CSMD1: variants seen among roughly 807,000 people sequenced by gnomAD.
CSMD1 encodes the protein CUB and Sushi multiple domains 1, also known as CUB and sushi domain-containing protein 1.
CSMD1 carries 213 observed loss-of-function variants against 417.5 expected under a neutral mutation model. That is an observed-to-expected ratio of 0.51 (90% CI 0.46 to 0.57). The LOEUF is 0.57. Ranked by LOEUF, CSMD1 falls within the 20% of genes least tolerant of loss-of-function variation. CSMD1 has a pLI of 0.00. For synonymous variants in CSMD1, 2,862 were observed against 1,736.8 expected (o/e 1.65, Z -16.11); for missense variants, 6,923 against 4,529.7 (o/e 1.53, Z -15.17).
chr8:3,047,974 T>C (rs1242264372), intron 50 of CSMD1, among the ~76,000 whole-genome samples: 1 of 152,158 alleles, frequency 6.6e-6, no homozygotes, highest in Admixed American at 6.5e-5. Context: ...AGACTGAAGG[T>C]TCTTGTTCAT....
chr8:3,618,912 G>T (rs1391413106), intron 7 of CSMD1, among the ~76,000 whole-genome samples: 2 of 152,168 alleles, frequency 1.3e-5, no homozygotes, highest in Non-Finnish European at 2.9e-5. Context: ...CAGCACGATG[G>T]TCGCTCTGTG....
intron 2 of CSMD1, among the ~76,000 whole-genome samples, chr8:4,620,049 G>C (rs1012236539): frequency 6.6e-6 from 1 of 151,828 alleles, no homozygotes; most frequent in Non-Finnish European, 1.5e-5. Flanking sequence ...ATAGTATGGT[G>C]AATGAAATAT....
chr8:4,979,963 G>A (rs959082451), intron 1 of CSMD1, among the ~76,000 whole-genome samples: 6 of 152,164 alleles, frequency 3.9e-5, no homozygotes, highest in Non-Finnish European at 8.8e-5. Flanking sequence ...GTGTGAACCT[G>A]GGAGGCGCAG....
At position 2,936,628 on chromosome 8, in the gene CSMD1, C is replaced by T. The variant is rs894999785; in HGVS notation, c.*1957G>A. ...GTGCAGAGAATTCAGCATAATGATA[C>T]AGAATCCAACAGCGTGGGGTTCACA... is the stretch of plus-strand genomic sequence containing the variant. On this transcript the variant is annotated 3_prime_UTR_variant, in exon 70 of 70. Coordinates refer to ENST00000635120, the MANE Select transcript of CSMD1 (RefSeq NM_033225.6). 6.6e-6 allele frequency: 1 copy of T among 152,164 alleles called. No individual in the cohort carries two copies. Among genetic ancestry groups the T allele is most frequent in the African/African-American group, 2.4e-5 (1 of 41,428 alleles). The allele number at this position is 152,164 out of a possible 1,614,324, so 9.4% of individuals were successfully genotyped here.
chr8:3,214,388 C>T (rs1797777921), intron 30 of CSMD1, 109 bp downstream of exon 30: 1 of 932,238 alleles, frequency 1.1e-6, no homozygotes, highest in Non-Finnish European at 1.6e-6. Context: ...AAGCAATCCT[C>T]ACCACCGATG....
intron 26 of CSMD1, among the ~76,000 whole-genome samples, chr8:3,255,937 A>G (rs1800617968): frequency 2.0e-5 from 3 of 152,156 alleles, no homozygotes. Flanking sequence ...AAATGCAGAA[A>G]TCACCCATCT....
chr8:3,546,907 C>G (rs936438889), intron 10 of CSMD1, among the ~76,000 whole-genome samples: 1 of 152,164 alleles, frequency 6.6e-6, no homozygotes, highest in Non-Finnish European at 1.5e-5. Context: ...GTTTCCACTG[C>G]TGCTTGAGTT....
chr8:3,438,190 T>C (rs139120335), intron 12 of CSMD1, among the ~76,000 whole-genome samples: 1,780 of 152,312 alleles, frequency 0.012, 17 homozygotes, highest in Non-Finnish European at 0.019. Flanking sequence ...AATTTTGAGA[T>C]AATTATAGAT....
At chr8:4,144,073 T>C (rs544212000) in intron 3 of CSMD1, among the ~76,000 whole-genome samples, 1 of 151,252 alleles carries the variant, frequency 6.6e-6, no homozygotes, top group Non-Finnish European at 1.5e-5. Flanking sequence ...GACGGAAGTT[T>C]TTCCTTTCCA....
At chr8:3,831,729 T>A (rs1219611570) in intron 5 of CSMD1, among the ~76,000 whole-genome samples, 1 of 152,226 alleles carries the variant, frequency 6.6e-6, no homozygotes, top group South Asian at 2.1e-4. Context: ...AAAGAATAGG[T>A]TTCCAAATAC....
chr8:3,647,851 C>A lies in CSMD1; in HGVS notation c.1010-31054G>T, dbSNP rs961188707. 5.9e-5 allele frequency among the ~76,000 whole-genome samples: 9 copies of A among 152,302 alleles called. No individual in the cohort carries two copies. In the South Asian group the frequency reaches 1.5e-3, roughly 25 times the overall value. ...GGTGAATCTGAGAAGGCACTTTGTACCTTTTCTAACTATTCTTGTAACTGT... is the reference window on the plus strand; with the variant it reads ...GGTGAATCTGAGAAGGCACTTTGTAACTTTTCTAACTATTCTTGTAACTGT... On this transcript the variant is annotated intron_variant, in intron 7 of 69. Coordinates refer to ENST00000635120, the MANE Select transcript of CSMD1 (RefSeq NM_033225.6).
chr8:4,168,870 G>T (rs974233391), intron 3 of CSMD1, among the ~76,000 whole-genome samples: 12 of 152,056 alleles, frequency 7.9e-5, no homozygotes, highest in African/African-American at 2.7e-4. Context: ...TTTAGACACG[G>T]TGACTGATGA....
intron 1 of CSMD1, among the ~76,000 whole-genome samples, chr8:4,859,700 C>G (rs1802012906): frequency 6.6e-6 from 1 of 151,878 alleles, no homozygotes. Context: ...CAAATCAAAA[C>G]CACAATGAGA....
intron 19 of CSMD1, 37 bp from the exon 20 acceptor site, chr8:3,367,284 A>G: frequency 6.7e-7 from 1 of 1,484,182 alleles, no homozygotes; most frequent in Non-Finnish European, 9.3e-7. Flanking sequence ...AGAGAGACAG[A>G]GAGAGACACA....
chr8:4,007,489 C>T (rs1175019472), intron 4 of CSMD1, among the ~76,000 whole-genome samples: 2 of 152,086 alleles, frequency 1.3e-5, no homozygotes, highest in Admixed American at 6.5e-5. Flanking sequence ...CACTTTCCTG[C>T]CCGCCCTCTC....
chr8:4,791,204 G>C (rs1029120897), intron 1 of CSMD1, among the ~76,000 whole-genome samples: 32 of 152,100 alleles, frequency 2.1e-4, no homozygotes, highest in African/African-American at 7.7e-4. Flanking sequence ...GAGAGGAGAG[G>C]TGCGTGGAAG....
At chr8:3,850,452 T>C (rs898611805) in intron 5 of CSMD1, among the ~76,000 whole-genome samples, 1 of 152,212 alleles carries the variant, frequency 6.6e-6, no homozygotes. Context: ...TCCAGCATTT[T>C]GGAAGGCTGA....
chr8:4,393,221 C>G (rs1803973950), intron 3 of CSMD1, among the ~76,000 whole-genome samples: 1 of 151,928 alleles, frequency 6.6e-6, no homozygotes, highest in Non-Finnish European at 1.5e-5. Context: ...ATTGATCTAC[C>G]CACATCAGCC....
intron 17 of CSMD1, 82 bp downstream of exon 17, chr8:3,396,112 G>A (rs1811681250): frequency 1.6e-6 from 2 of 1,214,246 alleles, no homozygotes; most frequent in East Asian, 2.5e-5. Context: ...ACAGTCATCT[G>A]CAGGCTGGAA....
Sources: allele counts gnomAD v4.1 joint callset (sites outside exome capture counted in the v4.1 genomes callset), GRCh38; gene constraint gnomAD v4.1.1; transcripts MANE v1.5; gene names NCBI Gene and HGNC (gene_info 2026-07-23, HGNC 2026-07-21).